Variants in ZYG11A observed in about 807,000 individuals in gnomAD.
The protein encoded by ZYG11A is protein zyg-11 homolog A.
A neutral mutation model predicts 77.2 loss-of-function variants in ZYG11A; 62 were observed. That is an observed-to-expected ratio of 0.80 (90% CI 0.65 to 0.99). The LOEUF is 0.99. Ranked by LOEUF, ZYG11A falls within the 50% of genes least tolerant of loss-of-function variation. The pLI, the probability that ZYG11A is intolerant of heterozygous loss-of-function variation, is 0.00. For missense variants in ZYG11A, 828 were observed against 896.8 expected (o/e 0.92, Z 0.98); for synonymous variants, 315 against 324.6 (o/e 0.97, Z 0.32).
At position 52,881,507 on chromosome 1, in the gene ZYG11A, C is replaced by A. The variant is rs1280025364; in HGVS notation, c.1786C>A (p.Leu596Met). 9.0e-6 allele frequency: 14 copies of A among 1,551,370 alleles called. No individual in the cohort carries two copies. Among genetic ancestry groups the A allele is most frequent in the Non-Finnish European group, 1.2e-5 (14 of 1,146,858 alleles). ...IAEVRELSSKLVTEDVLKHIN... is the reference protein window; with the variant it reads ...IAEVRELSSKMVTEDVLKHIN... ...AGAAGTCAGAGAGCTCTCTTCCAAG[C>A]TGGTGACCGAAGATGTGCTGAAGCA... Residue 596 changes from leucine (L) to methionine (M), a missense_variant, in exon 11 of 14, where the codon CTG becomes ATG. Coordinates refer to ENST00000371528, the MANE Select transcript of ZYG11A (RefSeq NM_001004339.3).
chr1:52,873,623 T>C (rs1646208605), intron 8 of ZYG11A, among the ~76,000 whole-genome samples: 1 of 152,198 alleles, frequency 6.6e-6, no homozygotes, highest in Admixed American at 6.5e-5. Flanking sequence ...AACAAAGGAC[T>C]TTGACTTATT....
intron 1 of ZYG11A, among the ~76,000 whole-genome samples, chr1:52,847,675 T>G (rs1645617994): frequency 6.6e-6 from 1 of 151,306 alleles, no homozygotes; most frequent in South Asian, 2.1e-4. Context: ...CTTTGTTTTT[T>G]TTTTTTTTTC....
chr1:52,861,474 G>A (rs541213684), intron 4 of ZYG11A, among the ~76,000 whole-genome samples: 154 of 152,188 alleles, frequency 1.0e-3, no homozygotes, highest in Non-Finnish European at 1.4e-3. Context: ...AGGCCGAAGC[G>A]GGTGGATCAC....
At chr1:52,847,415 G>A (rs982034663) in intron 1 of ZYG11A, among the ~76,000 whole-genome samples, 4 of 151,454 alleles carry the variant, frequency 2.6e-5, no homozygotes, top group Non-Finnish European at 4.4e-5. Flanking sequence ...GGTCAGGCTG[G>A]TCTCGAACTG....
intron 8 of ZYG11A, among the ~76,000 whole-genome samples, chr1:52,869,109 G>A (rs1646086550): frequency 6.6e-6 from 1 of 151,918 alleles, no homozygotes; most frequent in African/African-American, 2.4e-5. Flanking sequence ...TTACAGGAGT[G>A]AGCCACCACA....
chr1:52,850,566 C>G (rs531452190), intron 1 of ZYG11A, among the ~76,000 whole-genome samples: 47 of 152,304 alleles, frequency 3.1e-4, no homozygotes, highest in Non-Finnish European at 5.3e-4. Flanking sequence ...GATTCGCCTG[C>G]CTCAGCCTCC....
Position 52,860,812 on chromosome 1 carries a change from C to T in ZYG11A, c.1090C>T (p.Leu364Phe), listed in dbSNP as rs1645913965. Residue 364 changes from leucine to phenylalanine, a missense_variant, in exon 4 of 14, where the codon CTC (leucine) becomes TTC (phenylalanine). Leu to Phe is a conservative substitution (Grantham distance 22). Coordinates refer to ENST00000371528, the MANE Select transcript of ZYG11A (RefSeq NM_001004339.3). ...RNRSCFVKEA[L>F]HRLFTETFSM... ...CAGATCATGTTTTGTGAAGGAAGCCCTCCACAGGCTGTTCACAGAGACATT... is the reference window on the plus strand; with the variant it reads ...CAGATCATGTTTTGTGAAGGAAGCCTTCCACAGGCTGTTCACAGAGACATT... 1 of 1,551,680 alleles carries T rather than the reference C, an allele frequency of 6.4e-7. No individual in the cohort carries two copies. Among genetic ancestry groups the T allele is most frequent in the South Asian group, 1.2e-5 (1 of 84,058 alleles).
chr1:52,891,730 A>T (rs1646546707), intron 13 of ZYG11A, among the ~76,000 whole-genome samples: 1 of 151,834 alleles, frequency 6.6e-6, no homozygotes, highest in Non-Finnish European at 1.5e-5. Flanking sequence ...TGCAAGCTGA[A>T]ATTGAAATGC....
chr1:52,869,281 GTTTCTCGCAGAGGGGGAT>G (rs1646092208), intron 8 of ZYG11A, among the ~76,000 whole-genome samples: 1 of 126,856 alleles, frequency 7.9e-6, no homozygotes, highest in East Asian at 2.3e-4. Flanking sequence ...ATTCTTGGGT[GTTTCTCGCAGAGGGGGAT>G]TTGGCAGGGT....
intron 3 of ZYG11A, among the ~76,000 whole-genome samples, chr1:52,859,700 CAG>C (rs1308747177): frequency 2.3e-5 from 2 of 85,926 alleles, no homozygotes; most frequent in Non-Finnish European, 4.2e-5. Flanking sequence ...TTTTTTGAGA[CAG>C]AGTCTCGGTC....
intron 8 of ZYG11A, among the ~76,000 whole-genome samples, chr1:52,874,401 C>T (rs972329557): frequency 6.6e-6 from 1 of 151,774 alleles, no homozygotes; most frequent in African/African-American, 2.4e-5. Flanking sequence ...CATATCACTA[C>T]ACCCAGATAA....
At chr1:52,849,334 C>T (rs1046399067) in intron 1 of ZYG11A, among the ~76,000 whole-genome samples, 1 of 151,978 alleles carries the variant, frequency 6.6e-6, no homozygotes. Context: ...TCCCAAAGTG[C>T]TGGGATTACA....
chr1:52,858,409 G>A (rs1645859097), intron 3 of ZYG11A, among the ~76,000 whole-genome samples: 2 of 151,048 alleles, frequency 1.3e-5, no homozygotes, highest in Non-Finnish European at 3.0e-5. Context: ...GGGTTCAAGT[G>A]ATTCTCCTGC....
At chr1:52,847,288 A>G (rs754507266) in intron 1 of ZYG11A, among the ~76,000 whole-genome samples, 25 of 152,048 alleles carry the variant, frequency 1.6e-4, no homozygotes, top group Non-Finnish European at 3.1e-4. Context: ...GCTGGTTTTG[A>G]ATTCCTGACC....
rs114176333 is a variant in ZYG11A at position 52,880,449 on chromosome 1, T to C, written c.1750-1022T>C. 4.8e-3 allele frequency among the ~76,000 whole-genome samples: 726 copies of C among 152,296 alleles called. 6 individuals carry two copies. Among genetic ancestry groups the C allele is most frequent in the African/African-American group, 0.017 (707 of 41,554 alleles). ...TTTGTAGACAGACTCTCCCAGTGAT[T>C]CCAGCCTCCTGGCACTGACATCCCC... On this transcript the variant is annotated intron_variant, in intron 10 of 13. Coordinates refer to ENST00000371528, the MANE Select transcript of ZYG11A (RefSeq NM_001004339.3).
chr1:52,865,606 C>G (rs1646010322), intron 5 of ZYG11A, among the ~76,000 whole-genome samples: 1 of 152,088 alleles, frequency 6.6e-6, no homozygotes, highest in Admixed American at 6.6e-5. Context: ...TGTAATAAAT[C>G]TATTTAGGGA....
At chr1:52,883,881 C>T (rs1646402360) in intron 11 of ZYG11A, among the ~76,000 whole-genome samples, 1 of 151,628 alleles carries the variant, frequency 6.6e-6, no homozygotes, top group Non-Finnish European at 1.5e-5. Flanking sequence ...TGATTGAAAA[C>T]TGCAGACAGG....
rs1252915469 is a variant in ZYG11A, at chr1:52,864,097, G to T, written c.1266G>T (p.Leu422=). The T allele has an allele frequency of 1.5e-5, 23 of 1,551,860 alleles. No homozygotes were observed. Among genetic ancestry groups the T allele is most frequent in the Middle Eastern group, 1.7e-4 (1 of 6,016 alleles). ...TGGCCAAGGGGATGCCTGTTCGCCT[G>T]TTGTCAGAGGTCACCTGTCTACTTT... ...QGLAKGMPVR[L]LSEVTCLLFK... Residue 422 remains leucine, a synonymous_variant, in exon 5 of 14, where the codon CTG becomes CTT. Transcript: ENST00000371528.
intron 10 of ZYG11A, among the ~76,000 whole-genome samples, chr1:52,878,949 C>CAAAAAAAA (rs914463472): frequency 3.7e-5 from 1 of 27,258 alleles, no homozygotes; most frequent in African/African-American, 8.3e-5. Context: ...AAACTCTGCT[C>CAAAAAAAA]AAAAAAAAAA....
Sources: allele counts gnomAD v4.1 joint callset (sites outside exome capture counted in the v4.1 genomes callset), GRCh38; gene constraint gnomAD v4.1.1; transcripts MANE v1.5; gene names NCBI Gene and HGNC (gene_info 2026-07-23, HGNC 2026-07-21).